Variants in SPDYE14 observed in about 807,000 individuals in gnomAD.
The protein encoded by SPDYE14 is speedy/RINGO cell cycle regulator family member E14.
the SPDYE14 span, among the ~76,000 whole-genome samples, chr7:75,251,764 T>C: frequency 5.9e-5 from 1 of 16,922 alleles, no homozygotes; most frequent in Non-Finnish European, 1.6e-4. Flanking sequence ...TCACTTGAGG[T>C]CAGGAGTTCG....
At chr7:75,255,185 C>CT in the SPDYE14 span, among the ~76,000 whole-genome samples, 4 of 23,382 alleles carry the variant, frequency 1.7e-4, no homozygotes, top group African/African-American at 2.1e-4. Flanking sequence ...TCTTTCTTTC[C>CT]TTTTTTTTTT....
the SPDYE14 span, among the ~76,000 whole-genome samples, chr7:75,274,694 CA>C: frequency 1.1e-5 from 1 of 94,420 alleles, no homozygotes. Context: ...TCAGTACAGA[CA>C]GGGGTTTCAC....
the SPDYE14 span, among the ~76,000 whole-genome samples, chr7:75,247,499 A>G: frequency 5.6e-3 from 675 of 121,282 alleles, 4 homozygotes; most frequent in African/African-American, 0.017. Context: ...GAAAGAAAGA[A>G]AGAAAGAGGA....
the SPDYE14 span, among the ~76,000 whole-genome samples, chr7:75,241,700 T>A: frequency 6.0e-5 from 2 of 33,438 alleles, no homozygotes; most frequent in African/African-American, 1.5e-4. Flanking sequence ...TATATATTTT[T>A]TTTTTTTTTT....
At chr7:75,241,695 A>ATATATTTTTT in the SPDYE14 span, among the ~76,000 whole-genome samples, 1 of 15,488 alleles carries the variant, frequency 6.5e-5, no homozygotes, top group Non-Finnish European at 1.4e-4. Context: ...ATATATATAT[A>ATATATTTTTT]TTTTTTTTTT....
chr7:75,249,494 A>C, the SPDYE14 span, among the ~76,000 whole-genome samples: 5 of 129,220 alleles, frequency 3.9e-5, no homozygotes, highest in Non-Finnish European at 6.6e-5. Context: ...TTTTGGGAAA[A>C]TACAACTTGA....
chr7:75,251,510 CTGTGTGTG>C, the SPDYE14 span, among the ~76,000 whole-genome samples: 9 of 55,516 alleles, frequency 1.6e-4, no homozygotes, highest in South Asian at 4.9e-4. Flanking sequence ...CTAATTTTGT[CTGTGTGTG>C]TGTGTGTGTG....
chr7:75,261,422 C>T, the SPDYE14 span, among the ~76,000 whole-genome samples: 2 of 53,108 alleles, frequency 3.8e-5, no homozygotes, highest in Non-Finnish European at 7.7e-5. Context: ...CTTGCTCCTG[C>T]TTCCTTCTGG....
chr7:75,265,237 T>G, the SPDYE14 span, among the ~76,000 whole-genome samples: 1 of 98,668 alleles, frequency 1.0e-5, no homozygotes, highest in Non-Finnish European at 2.1e-5. Flanking sequence ...GCAGCTGGGA[T>G]TACAAGCGCA....
chr7:75,249,201 CTG>C, the SPDYE14 span, among the ~76,000 whole-genome samples: 1 of 39,138 alleles, frequency 2.6e-5, no homozygotes, highest in African/African-American at 7.0e-5. Flanking sequence ...CCTGGCATGT[CTG>C]TTGCTCACCA....
chr7:75,273,708 C>T, the SPDYE14 span, among the ~76,000 whole-genome samples: 1 of 60,832 alleles, frequency 1.6e-5, no homozygotes, highest in African/African-American at 3.9e-5. Context: ...CCCTTATAAC[C>T]TCATCTCAAC....
the SPDYE14 span, among the ~76,000 whole-genome samples, chr7:75,247,569 TA>T: frequency 1.3e-5 from 1 of 74,546 alleles, no homozygotes; most frequent in Admixed American, 1.6e-4. Context: ...CATGACATTA[TA>T]TTAACTCATT....
the SPDYE14 span, among the ~76,000 whole-genome samples, chr7:75,258,036 A>T: frequency 4.7e-5 from 2 of 42,184 alleles, 1 homozygote; most frequent in Non-Finnish European, 1.2e-4. Flanking sequence ...CATGTCAGCC[A>T]GGCTGGTCTT....
the SPDYE14 span, among the ~76,000 whole-genome samples, chr7:75,251,412 C>A: frequency 5.0e-5 from 2 of 39,628 alleles, 1 homozygote; most frequent in Non-Finnish European, 1.3e-4. Context: ...AAAATAAATT[C>A]TCTGCTATGT....
the SPDYE14 span, among the ~76,000 whole-genome samples, chr7:75,278,984 C>G: frequency 9.0e-6 from 1 of 111,288 alleles, no homozygotes; most frequent in Admixed American, 8.3e-5. Flanking sequence ...GGGAGAGTGA[C>G]ATGATCTGAT....
the SPDYE14 span, among the ~76,000 whole-genome samples, chr7:75,261,144 AAAAG>A: frequency 1.1e-5 from 1 of 89,174 alleles, no homozygotes; most frequent in Admixed American, 1.6e-4. Context: ...AAGAAAAATA[AAAAG>A]AAAGCACAAA....
the SPDYE14 span, among the ~76,000 whole-genome samples, chr7:75,268,895 A>AGAG: frequency 1.2e-3 from 11 of 9,410 alleles, no homozygotes; most frequent in African/African-American, 1.6e-3. Context: ...GAGAGAGAGA[A>AGAG]AGGAAATGGC....
At chr7:75,275,241 A>C in the SPDYE14 span, among the ~76,000 whole-genome samples, 1 of 52,176 alleles carries the variant, frequency 1.9e-5, no homozygotes, top group South Asian at 7.0e-4. Context: ...CCAACAGCTC[A>C]TTGAGAACGG....
chr7:75,261,553 C>G, the SPDYE14 span, among the ~76,000 whole-genome samples: 2 of 33,738 alleles, frequency 5.9e-5, no homozygotes, highest in Non-Finnish European at 1.2e-4. Flanking sequence ...AGCCTCTTAA[C>G]TCCTGGGTTC....
Sources: gnomAD v4.1 joint callset for allele counts (sites outside exome capture counted in the v4.1 genomes callset) on GRCh38, gnomAD v4.1.1 for gene constraint, MANE v1.5 for transcripts, NCBI Gene and HGNC (gene_info 2026-07-23, HGNC 2026-07-21) for gene names.